The following GRK4 variants were observed in gnomAD, a reference collection of about 807,000 sequenced individuals.
GRK4 encodes the protein G protein-coupled receptor kinase 4.
In GRK4, 73 loss-of-function variants were observed where a neutral mutation model predicts 77.9. The observed-to-expected ratio is 0.94, with a 90% confidence interval of 0.78 to 1.14. GRK4 has a LOEUF of 1.14. Ranked by LOEUF, GRK4 falls within the 50% of genes most tolerant of loss-of-function variation. GRK4 has a pLI of 0.00. For synonymous variants in GRK4, 257 were observed against 254.4 expected, an observed-to-expected ratio of 1.01 and a Z score of -0.10; for missense variants, 729 against 700.2, an observed-to-expected ratio of 1.04 and a Z score of -0.46.
At chr4:3,034,454 C>G (rs545267776) in intron 12 of GRK4, among the ~76,000 whole-genome samples, 7 of 152,280 alleles carry the variant, frequency 4.6e-5, no homozygotes, top group African/African-American at 1.2e-4. Flanking sequence ...TTTCCAAAAC[C>G]AGGCAGCTGG....
At chr4:3,001,089 A>ATATATATGTGTGTGTGTGTG in intron 4 of GRK4, among the ~76,000 whole-genome samples, 15 of 82,430 alleles carry the variant, frequency 1.8e-4, no homozygotes, top group African/African-American at 7.6e-4. Context: ...ATATATATAT[A>ATATATATGTGTGTGTGTGTG]TGTGTGTGTG....
Position 3,037,584 on chromosome 4 carries a change from C to CGT in GRK4, c.1545+88_1545+89dup, listed in dbSNP as rs60975645. 2.7e-4 allele frequency: 383 copies of CGT among 1,441,144 alleles called. 1 individual carries two copies. Among genetic ancestry groups the CGT allele is most frequent in the South Asian group, 4.6e-4 (36 of 78,320 alleles). 89.3% of individuals were successfully genotyped at this position (1,441,144 alleles called of 1,614,324 possible). A position where few individuals can be genotyped will look rare whatever the true frequency, so the allele number is the denominator to read the frequency against. ...CCAGGGAAAAGGGTGTGTGTGTGTC[C>CGT]GTGTGTGTGTGTGTGTCTGTGTGTA... On this transcript the variant is annotated intron_variant, in intron 14 of 15. Coordinates refer to ENST00000398052, the MANE Select transcript of GRK4 (RefSeq NM_182982.3).
At chr4:2,973,599 A>C (rs1208338477) in intron 1 of GRK4, among the ~76,000 whole-genome samples, 1 of 152,014 alleles carries the variant, frequency 6.6e-6, no homozygotes, top group Admixed American at 6.6e-5. Flanking sequence ...TCGCACCCCC[A>C]CACTCAATCC....
At chr4:2,993,545 A>G (rs1241273070) in intron 4 of GRK4, among the ~76,000 whole-genome samples, 1 of 152,162 alleles carries the variant, frequency 6.6e-6, no homozygotes, top group African/African-American at 2.4e-5. Context: ...GTGGTGGTGC[A>G]TGCCTGTAAT....
chr4:3,001,360 T>C, intron 4 of GRK4, among the ~76,000 whole-genome samples: 2 of 110,782 alleles, frequency 1.8e-5, no homozygotes, highest in African/African-American at 8.3e-5. Context: ...CACACATATA[T>C]ATATATATAT....
At chr4:3,018,543 A>G (rs1322175669) in intron 8 of GRK4, among the ~76,000 whole-genome samples, 1 of 152,086 alleles carries the variant, frequency 6.6e-6, no homozygotes. Flanking sequence ...AAAAATGTGC[A>G]AGACTTCTAC....
chr4:3,033,212 G>C (rs940616537), intron 12 of GRK4, among the ~76,000 whole-genome samples: 1 of 152,062 alleles, frequency 6.6e-6, no homozygotes, highest in Non-Finnish European at 1.5e-5. Context: ...GTGAGATGCC[G>C]TCTATATTTT....
At chr4:2,985,692 T>C (rs1724092006) in intron 2 of GRK4, 4 of 280,678 alleles carry the variant, frequency 1.4e-5, no homozygotes, top group South Asian at 1.2e-4. Flanking sequence ...GGTCCTAACA[T>C]GAGCCTAAGG....
chr4:3,016,202 C>A (rs567658798), intron 8 of GRK4, among the ~76,000 whole-genome samples: 1 of 149,806 alleles, frequency 6.7e-6, no homozygotes. Context: ...AGCCACCAAG[C>A]CTGGCCTCTA....
chr4:3,038,171 A>G (rs1392307168), intron 14 of GRK4, among the ~76,000 whole-genome samples: 3 of 152,186 alleles, frequency 2.0e-5, no homozygotes, highest in Non-Finnish European at 4.4e-5. Flanking sequence ...ACACTCAGAG[A>G]CAAGGGGAGA....
At chr4:3,014,673 T>G (rs1040885401) in intron 8 of GRK4, among the ~76,000 whole-genome samples, 2 of 152,070 alleles carry the variant, frequency 1.3e-5, no homozygotes, top group African/African-American at 4.8e-5. Flanking sequence ...GGCGCGTGCC[T>G]GTAGTCCCAG....
chr4:3,036,011 G>A lies in GRK4; in HGVS notation c.1407+488G>A, dbSNP rs532031237. On this transcript the variant is annotated intron_variant, in intron 13 of 15. Coordinates refer to ENST00000398052, the MANE Select transcript of GRK4 (RefSeq NM_182982.3). The stretch of plus-strand genomic sequence containing the variant: ...ATTTTCACTTCTTTTCTAGAGACGG[G>A]GGTCTCCCTATGTTGCCCAGGCTAC... Among the ~76,000 whole-genome samples the A allele has an allele frequency of 3.9e-5, 6 of 152,166 alleles. No homozygotes were observed. In the East Asian group the frequency reaches 7.7e-4, roughly 20 times the overall value.
At chr4:2,976,379 A>C (rs1243125857) in intron 1 of GRK4, among the ~76,000 whole-genome samples, 1 of 147,590 alleles carries the variant, frequency 6.8e-6, no homozygotes, top group African/African-American at 2.5e-5. Context: ...CTACAGGTGC[A>C]CACCACCATG....
chr4:2,991,316 A>G (rs1290992278), intron 3 of GRK4, among the ~76,000 whole-genome samples: 2 of 152,158 alleles, frequency 1.3e-5, no homozygotes, highest in African/African-American at 4.8e-5. Flanking sequence ...AATCTCCTTC[A>G]CTTGAAGTCA....
intron 4 of GRK4, among the ~76,000 whole-genome samples, chr4:3,003,194 CTTTA>C (rs1422361222): frequency 1.3e-5 from 2 of 152,000 alleles, no homozygotes; most frequent in Non-Finnish European, 2.9e-5. Context: ...TGACTGGCTT[CTTTA>C]TTTATTTTTG....
chr4:3,014,618 A>C (rs979693376), intron 8 of GRK4, among the ~76,000 whole-genome samples: 7 of 152,028 alleles, frequency 4.6e-5, no homozygotes, highest in South Asian at 2.1e-4. Flanking sequence ...ACATGGTGAA[A>C]TCCCGTCTCT....
Position 3,019,753 on chromosome 4 carries a change from A to G in GRK4, c.854A>G (p.Asp285Gly), listed in dbSNP as rs577114989. The G allele has an allele frequency of 4.3e-6, 7 of 1,614,218 alleles. No homozygotes were observed. The highest frequency in any genetic ancestry group is 2.2e-5 in the South Asian group (2 of 91,088). ...TACAACCTGGGCAATCCCGGCTTTGATGAGCAGAGAGCCGTTTTCTATGCT... is the reference window on the plus strand; with the variant it reads ...TACAACCTGGGCAATCCCGGCTTTGGTGAGCAGAGAGCCGTTTTCTATGCT... The part of the protein sequence containing the change: ...HIYNLGNPGF[D>G]EQRAVFYAAE... Residue 285 changes from aspartate to glycine, a missense_variant, in exon 9 of 16, where the codon GAT becomes GGT. By Grantham distance (94) the Asp-to-Gly change is moderately conservative. Coordinates refer to ENST00000398052, the MANE Select transcript of GRK4 (RefSeq NM_182982.3).
chr4:2,982,066 G>A (rs1723032710), intron 1 of GRK4, among the ~76,000 whole-genome samples: 1 of 152,256 alleles, frequency 6.6e-6, no homozygotes, highest in Non-Finnish European at 1.5e-5. Context: ...CCAGTCAGTG[G>A]GAACAGGCAC....
At chr4:2,964,868 G>A (rs1472294089) in intron 1 of GRK4, among the ~76,000 whole-genome samples, 1 of 152,036 alleles carries the variant, frequency 6.6e-6, no homozygotes, top group Non-Finnish European at 1.5e-5. Flanking sequence ...ACAGTTATAA[G>A]ATAACGCTGT....
Sources: gnomAD v4.1 joint callset for allele counts (sites outside exome capture counted in the v4.1 genomes callset) on GRCh38, gnomAD v4.1.1 for gene constraint, MANE v1.5 for transcripts, NCBI Gene and HGNC (gene_info 2026-07-23, HGNC 2026-07-21) for gene names.